Variants in NRXN1 observed in about 807,000 individuals in gnomAD.
The protein encoded by NRXN1 is neurexin 1.
In NRXN1, 39 loss-of-function variants were observed where a neutral mutation model predicts 150.9. The ratio of observed to expected loss-of-function variants is 0.26; its 90% confidence interval spans 0.20 to 0.34. The LOEUF is 0.34. NRXN1 is among the 10% of genes least tolerant of loss of function. The pLI, the probability that NRXN1 is intolerant of heterozygous loss-of-function variation, is 1.00. For synonymous variants in NRXN1, 924 were observed against 757.0 expected (o/e 1.22, Z -3.62); for missense variants, 1,815 against 1,949.9 (o/e 0.93, Z 1.30).
Position 50,291,996 on chromosome 2 carries a change from T to G in NRXN1, c.3365-55026A>C, listed in dbSNP as rs375675949. ...GTAGATAACTCACCCACAGCGTGGC[T>G]TCTGGAAGCTGCCACAGCACTGCAA... On this transcript the variant is annotated intron_variant, in intron 17 of 22. Transcript: ENST00000401669. 4.6e-5 allele frequency among the ~76,000 whole-genome samples: 7 copies of G among 152,234 alleles called. No individual in the cohort carries two copies. The East Asian group carries it at 1.2e-3, about 25-fold the overall frequency.
chr2:50,620,443 T>C (rs1679807993), intron 7 of NRXN1, among the ~76,000 whole-genome samples: 1 of 152,178 alleles, frequency 6.6e-6, no homozygotes. Flanking sequence ...ATTATTGAAC[T>C]AGTGTCAGCA....
At chr2:49,963,924 C>A (rs548910930) in intron 21 of NRXN1, among the ~76,000 whole-genome samples, 11 of 152,234 alleles carry the variant, frequency 7.2e-5, no homozygotes, top group African/African-American at 2.6e-4. Context: ...CCCAGAGCTG[C>A]TGTAACATAC....
chr2:51,020,836 T>C (rs1669489806), intron 2 of NRXN1, among the ~76,000 whole-genome samples: 1 of 151,994 alleles, frequency 6.6e-6, no homozygotes. Flanking sequence ...AATAATCATG[T>C]GGCAAGAAAG....
At chr2:50,903,153 C>T (rs76172126) in intron 5 of NRXN1, among the ~76,000 whole-genome samples, 2,734 of 152,174 alleles carry the variant, frequency 0.018, 87 homozygotes, top group African/African-American at 0.063. Flanking sequence ...TTTATTTAGA[C>T]AGGGCCAGAA....
intron 2 of NRXN1, among the ~76,000 whole-genome samples, chr2:51,003,598 G>A (rs189806473): frequency 1.3e-5 from 2 of 151,962 alleles, no homozygotes; most frequent in African/African-American, 4.8e-5. Context: ...TTGAAAAAAG[G>A]CAGACTGGGC....
At chr2:50,186,262 C>T (rs982460892) in intron 18 of NRXN1, among the ~76,000 whole-genome samples, 1 of 152,014 alleles carries the variant, frequency 6.6e-6, no homozygotes, top group Non-Finnish European at 1.5e-5. Flanking sequence ...GGAATCTTTA[C>T]TTTGCTACAT....
intron 17 of NRXN1, among the ~76,000 whole-genome samples, chr2:50,442,227 G>C (rs1353031374): frequency 6.6e-6 from 1 of 152,112 alleles, no homozygotes; most frequent in Non-Finnish European, 1.5e-5. Context: ...GATAATACTA[G>C]TGCCTGTAAA....
rs182064781 is a variant in NRXN1, at chr2:50,882,947, C to T, written c.832+38922G>A. Among the ~76,000 whole-genome samples the T allele has an allele frequency of 3.2e-3, 490 of 151,852 alleles. 4 individuals carry two copies. Among genetic ancestry groups the T allele is most frequent in the Admixed American group, 8.4e-3 (128 of 15,186 alleles). On this transcript the variant is annotated intron_variant, in intron 5 of 22. Transcript: ENST00000401669. ...GAAAACATATATATTTTTATAACAT[C>T]AAAATATGCTTACCTGACATACATA...
chr2:50,814,029 G>A (rs1028011544), intron 5 of NRXN1, among the ~76,000 whole-genome samples: 1 of 152,020 alleles, frequency 6.6e-6, no homozygotes, highest in African/African-American at 2.4e-5. Flanking sequence ...AAAAATTGAG[G>A]GCAAAATTTT....
At chr2:50,606,653 T>G (rs1054440966) in intron 8 of NRXN1, among the ~76,000 whole-genome samples, 12 of 147,712 alleles carry the variant, frequency 8.1e-5, no homozygotes, top group Admixed American at 8.1e-4. Flanking sequence ...CTTTCATATA[T>G]TAGAATATAT....
At chr2:50,494,052 T>A (rs7598865) in intron 15 of NRXN1, among the ~76,000 whole-genome samples, 8,429 of 152,184 alleles carry the variant, frequency 0.055, 812 homozygotes, top group African/African-American at 0.19. Context: ...AGAATCCTAG[T>A]CTACAATCTC....
chr2:50,999,096 C>A (rs1285954590), intron 2 of NRXN1, among the ~76,000 whole-genome samples: 1 of 151,998 alleles, frequency 6.6e-6, no homozygotes, highest in Non-Finnish European at 1.5e-5. Context: ...GAAGACTAAG[C>A]ATTTCTCCAG....
intron 2 of NRXN1, among the ~76,000 whole-genome samples, chr2:51,022,588 A>T (rs1669795348): frequency 1.3e-5 from 2 of 152,232 alleles, no homozygotes; most frequent in South Asian, 2.1e-4. Flanking sequence ...CTTCCTCTAG[A>T]TCAAAACTAT....
chr2:50,478,253 A>C (rs2090149540), intron 15 of NRXN1, among the ~76,000 whole-genome samples: 1 of 152,210 alleles, frequency 6.6e-6, no homozygotes, highest in Non-Finnish European at 1.5e-5. Context: ...TGCTTAAATA[A>C]ATAATATTAA....
chr2:49,952,086 CAGTTA>C (rs1674069828), intron 21 of NRXN1, among the ~76,000 whole-genome samples: 1 of 151,930 alleles, frequency 6.6e-6, no homozygotes, highest in Admixed American at 6.6e-5. Context: ...TAATTGGCCA[CAGTTA>C]TAATGCTAGT....
chr2:50,308,541 T>C (rs1282564614), intron 17 of NRXN1, among the ~76,000 whole-genome samples: 1 of 152,012 alleles, frequency 6.6e-6, no homozygotes, highest in Non-Finnish European at 1.5e-5. Context: ...TTTTTTGAGA[T>C]GGGAGTCTTG....
chr2:50,373,293 T>TA (rs1553512353), intron 17 of NRXN1, among the ~76,000 whole-genome samples: 73,615 of 142,588 alleles, frequency 0.52, 20,460 homozygotes, highest in East Asian at 0.81. Flanking sequence ...TTATTTTATT[T>TA]TTTATTATTA....
intron 22 of NRXN1, among the ~76,000 whole-genome samples, chr2:49,941,966 G>A (rs183214058): frequency 2.1e-4 from 32 of 152,260 alleles, no homozygotes; most frequent in African/African-American, 7.2e-4. Context: ...CTGATATAAT[G>A]ACAGAAAAGC....
intron 8 of NRXN1, among the ~76,000 whole-genome samples, chr2:50,555,812 A>G (rs1390837981): frequency 6.6e-6 from 1 of 152,196 alleles, no homozygotes; most frequent in Non-Finnish European, 1.5e-5. Flanking sequence ...GCATAAACTT[A>G]TGTGCATATC....
Sources: allele counts gnomAD v4.1 joint callset (sites outside exome capture counted in the v4.1 genomes callset), GRCh38; gene constraint gnomAD v4.1.1; transcripts MANE v1.5; gene names NCBI Gene and HGNC (gene_info 2026-07-23, HGNC 2026-07-21).